PTPRR: variants seen among roughly 807,000 people sequenced by gnomAD.
PTPRR encodes protein tyrosine phosphatase receptor type R, also known as receptor-type tyrosine-protein phosphatase R.
PTPRR carries 38 observed loss-of-function variants against 77.2 expected under a neutral mutation model. That is an observed-to-expected ratio of 0.49 (90% CI 0.38 to 0.65). PTPRR has a LOEUF of 0.65. Ranked by LOEUF, PTPRR falls within the 30% of genes least tolerant of loss-of-function variation. PTPRR has a pLI of 0.00. For missense variants in PTPRR, 744 were observed against 799.2 expected, an observed-to-expected ratio of 0.93 and a Z score of 0.83; for synonymous variants, 299 against 283.1, an observed-to-expected ratio of 1.06 and a Z score of -0.57.
intron 1 of PTPRR, 23 bp downstream of exon 1, chr12:70,920,310 C>T (rs754792281): frequency 6.2e-7 from 1 of 1,610,296 alleles, no homozygotes; most frequent in East Asian, 2.2e-5. Context: ...ACAGCTCCGG[C>T]TCTAAGCCTG....
intron 2 of PTPRR, among the ~76,000 whole-genome samples, chr12:70,879,239 C>T (rs112111101): frequency 2.6e-5 from 4 of 151,978 alleles, no homozygotes; most frequent in African/African-American, 9.7e-5. Flanking sequence ...TACCCTAGAA[C>T]TTTAAGTATA....
intron 2 of PTPRR, among the ~76,000 whole-genome samples, chr12:70,836,939 T>C (rs1892314474): frequency 6.6e-6 from 1 of 152,104 alleles, no homozygotes; most frequent in African/African-American, 2.4e-5. Context: ...TTGCTGATTA[T>C]ACATGTAATA....
At chr12:70,840,916 A>G (rs767611258) in intron 2 of PTPRR, among the ~76,000 whole-genome samples, 1 of 151,508 alleles carries the variant, frequency 6.6e-6, no homozygotes, top group Non-Finnish European at 1.5e-5. Context: ...GCCATTCACA[A>G]CCAATATTAT....
At chr12:70,920,256 C>A (rs1893835883) in intron 1 of PTPRR, 77 bp downstream of exon 1, 2 of 1,486,826 alleles carry the variant, frequency 1.3e-6, no homozygotes. Context: ...GCAAGGCAAG[C>A]TTTTCCTAGA....
At chr12:70,645,045 G>T (rs1345761094) in intron 13 of PTPRR, among the ~76,000 whole-genome samples, 1 of 152,176 alleles carries the variant, frequency 6.6e-6, no homozygotes, top group East Asian at 1.9e-4. Flanking sequence ...GCATATCAAT[G>T]TCTGGCTGAA....
chr12:70,754,615 T>C, intron 4 of PTPRR: 1 of 1,597,984 alleles, frequency 6.3e-7, no homozygotes, highest in Non-Finnish European at 8.5e-7. Context: ...TTCTGTTCTT[T>C]TCTGTGTGGA....
chr12:70,852,391 A>C (rs79652051), intron 2 of PTPRR, among the ~76,000 whole-genome samples: 2,220 of 152,328 alleles, frequency 0.015, 58 homozygotes, highest in African/African-American at 0.05. Context: ...AATTGACATT[A>C]AATTGCATTA....
intron 2 of PTPRR, among the ~76,000 whole-genome samples, chr12:70,842,045 G>A (rs1426609896): frequency 6.6e-6 from 1 of 152,120 alleles, no homozygotes. Flanking sequence ...ATTCCCTGAA[G>A]TAATTTACAG....
intron 2 of PTPRR, among the ~76,000 whole-genome samples, chr12:70,864,800 C>A (rs552775337): frequency 5.3e-5 from 8 of 152,014 alleles, no homozygotes. Flanking sequence ...CTCACAAGAT[C>A]CGATGATTTT....
At chr12:70,672,893 G>C (rs1339936110) in intron 10 of PTPRR, 1 of 1,551,102 alleles carries the variant, frequency 6.4e-7, no homozygotes, top group African/African-American at 1.4e-5. Flanking sequence ...TCATAGGATG[G>C]GGGCATCTGC....
intron 2 of PTPRR, among the ~76,000 whole-genome samples, chr12:70,864,113 A>G (rs1477473924): frequency 1.3e-5 from 2 of 152,190 alleles, no homozygotes; most frequent in African/African-American, 4.8e-5. Flanking sequence ...CAAAATCAGA[A>G]AATGAAATTC....
intron 5 of PTPRR, 38 bp downstream of exon 5, chr12:70,754,153 C>A: frequency 6.3e-7 from 1 of 1,591,118 alleles, no homozygotes; most frequent in Non-Finnish European, 8.6e-7. Flanking sequence ...AAGCAGTGGG[C>A]TGAGCAAAGG....
chr12:70,745,046 A>C (rs1485853811), intron 6 of PTPRR, among the ~76,000 whole-genome samples: 7 of 152,200 alleles, frequency 4.6e-5, no homozygotes, highest in Admixed American at 3.9e-4. Flanking sequence ...AAAAAAGGTA[A>C]GGCAACAAAA....
At chr12:70,724,527 C>T (rs578175388) in intron 6 of PTPRR, among the ~76,000 whole-genome samples, 1 of 152,308 alleles carries the variant, frequency 6.6e-6, no homozygotes, top group Non-Finnish European at 1.5e-5. Context: ...TTTATTACTA[C>T]TGCACTGCTA....
intron 2 of PTPRR, among the ~76,000 whole-genome samples, chr12:70,802,769 T>A (rs1463292024): frequency 6.6e-6 from 1 of 152,222 alleles, no homozygotes; most frequent in African/African-American, 2.4e-5. Context: ...GGTGTCTATA[T>A]CTTGAGATGT....
At chr12:70,832,129 C>G (rs768128491) in intron 2 of PTPRR, among the ~76,000 whole-genome samples, 1 of 152,214 alleles carries the variant, frequency 6.6e-6, no homozygotes, top group African/African-American at 2.4e-5. Flanking sequence ...GCATAGTGTT[C>G]CTGTCGCTCC....
At chr12:70,854,682 T>C (rs1483258897) in intron 2 of PTPRR, among the ~76,000 whole-genome samples, 1 of 152,234 alleles carries the variant, frequency 6.6e-6, no homozygotes, top group African/African-American at 2.4e-5. Flanking sequence ...GCTCTGGATC[T>C]AGACAGCCTG....
At chr12:70,730,015 AAAT>A (rs1289319362) in intron 6 of PTPRR, among the ~76,000 whole-genome samples, 4 of 152,146 alleles carry the variant, frequency 2.6e-5, no homozygotes, top group African/African-American at 9.7e-5. Flanking sequence ...AACAATGAAA[AAAT>A]AATAATTCCA....
At chr12:70,693,433 A>C (rs1204837446) in intron 8 of PTPRR, among the ~76,000 whole-genome samples, 3 of 152,068 alleles carry the variant, frequency 2.0e-5, no homozygotes, top group Non-Finnish European at 4.4e-5. Context: ...AGTAGCTGGG[A>C]CCACACATGT....
Sources: allele counts gnomAD v4.1 joint callset (sites outside exome capture counted in the v4.1 genomes callset), GRCh38; gene constraint gnomAD v4.1.1; transcripts MANE v1.5; gene names NCBI Gene and HGNC (gene_info 2026-07-23, HGNC 2026-07-21).